Variants in DNASE1 observed in about 807,000 individuals in gnomAD.
DNASE1 encodes the protein deoxyribonuclease 1, also known as deoxyribonuclease-1.
In DNASE1, 40 loss-of-function variants were observed where a neutral mutation model predicts 33.9. That is an observed-to-expected ratio of 1.18 (90% CI 0.92 to 1.54). DNASE1 has a LOEUF of 1.54. Ranked by LOEUF, DNASE1 falls within the 40% of genes most tolerant of loss-of-function variation. DNASE1 has a pLI of 0.00. For missense variants in DNASE1, 518 were observed against 372.6 expected, an observed-to-expected ratio of 1.39 and a Z score of -3.21; for synonymous variants, 216 against 160.0, an observed-to-expected ratio of 1.35 and a Z score of -2.64.
chr16:3,658,830 G>T (rs1221499727), downstream of DNASE1: 1 of 1,614,002 alleles, frequency 6.2e-7, no homozygotes, highest in East Asian at 2.2e-5. Context: ...AGGCTCGCTT[G>T]CGCGCAGCTG....
chr16:3,611,784 G>C (rs1475298883), exon 1 of DNASE1: 1 of 152,172 alleles, frequency 6.6e-6, no homozygotes, highest in African/African-American at 2.4e-5. Context: ...GCTTGCTTCA[G>C]GTGGAGTCTG....
chr16:3,617,752 C>G (rs2041160480), intron 1 of DNASE1, among the ~76,000 whole-genome samples: 1 of 151,962 alleles, frequency 6.6e-6, no homozygotes, highest in Non-Finnish European at 1.5e-5. Context: ...TTGAGACCAG[C>G]CTGGGCAGCA....
intron 2 of DNASE1, 94 bp from the exon 3 acceptor site, chr16:3,655,755 A>G (rs2042562920): frequency 2.0e-6 from 3 of 1,518,160 alleles, no homozygotes; most frequent in East Asian, 2.3e-5. Flanking sequence ...AAACCGAGCA[A>G]TGCCACGAGC....
chr16:3,613,223 A>G (rs965840075), intron 1 of DNASE1, among the ~76,000 whole-genome samples: 1 of 152,116 alleles, frequency 6.6e-6, no homozygotes, highest in Non-Finnish European at 1.5e-5. Flanking sequence ...TGTAAATGGG[A>G]TCATGTGATA....
chr16:3,617,356 A>G (rs368940027), intron 1 of DNASE1, among the ~76,000 whole-genome samples: 1 of 148,962 alleles, frequency 6.7e-6, no homozygotes, highest in South Asian at 2.1e-4. Flanking sequence ...AAAAAAAAGA[A>G]TACTACAAGG....
intron 1 of DNASE1, among the ~76,000 whole-genome samples, chr16:3,619,120 C>T (rs886846604): frequency 1.3e-5 from 2 of 152,000 alleles, no homozygotes; most frequent in African/African-American, 4.8e-5. Context: ...CTGCAACCTC[C>T]ACATCCCAGG....
upstream of DNASE1, among the ~76,000 whole-genome samples, chr16:3,642,468 AGAGTG>A (rs1192673216): frequency 6.6e-6 from 1 of 152,108 alleles, no homozygotes; most frequent in Non-Finnish European, 1.5e-5. Context: ...GCAGCCGGAG[AGAGTG>A]GAGCTCTTAA....
intron 1 of DNASE1, among the ~76,000 whole-genome samples, chr16:3,645,472 G>A (rs756407991): frequency 2.6e-5 from 4 of 152,358 alleles, no homozygotes; most frequent in Admixed American, 2.0e-4. Flanking sequence ...CTGCGGGTGT[G>A]CTAACCTCCC....
At chr16:3,654,261 C>G, upstream of DNASE1, 2 of 397,994 alleles carry the variant, frequency 5.0e-6, no homozygotes, top group Non-Finnish European at 4.4e-6. Flanking sequence ...AGGCTCCCCA[C>G]TGCTTGGCTG....
At chr16:3,655,159 C>A in intron 1 of DNASE1, 115 bp downstream of exon 1, 1 of 637,578 alleles carries the variant, frequency 1.6e-6, no homozygotes, top group Non-Finnish European at 2.7e-6. Flanking sequence ...CCCTCCCGGG[C>A]GGGTTTTCTG....
At chr16:3,657,144 G>C (rs539275502) in intron 6 of DNASE1, 33 bp downstream of exon 6, 1 of 1,613,964 alleles carries the variant, frequency 6.2e-7, no homozygotes, top group African/African-American at 1.3e-5. Context: ...GGGCACCAGC[G>C]GCCTCCGCAT....
At position 3,614,175 on chromosome 16, in the gene DNASE1, G is replaced by A. The variant is rs143095446; in HGVS notation, c.-1359+2169G>A. On this transcript the variant is annotated intron_variant and NMD_transcript_variant, in intron 1 of 11. Transcript: ENST00000570769. ...GATCTGCCCGCCTTGGCCTCCCAGA[G>A]TGCTGGGATTACAGGTGTGAGCCAC... Among the ~76,000 whole-genome samples the A allele has an allele frequency of 3.8e-3, 575 of 152,018 alleles. 5 individuals carry two copies. Among genetic ancestry groups the A allele is most frequent in the African/African-American group, 0.012 (512 of 41,458 alleles).
At chr16:3,637,899 C>T (rs572838337) in intron 1 of DNASE1, among the ~76,000 whole-genome samples, 8 of 152,248 alleles carry the variant, frequency 5.3e-5, no homozygotes, top group Admixed American at 1.3e-4. Context: ...TCTCCTGTGT[C>T]GGGGGCAGTC....
chr16:3,636,589 A>T (rs1329648200), intron 1 of DNASE1, among the ~76,000 whole-genome samples: 1 of 152,162 alleles, frequency 6.6e-6, no homozygotes, highest in Admixed American at 6.5e-5. Context: ...TGGGAGGCTG[A>T]GCGGGGAGGA....
intron 4 of DNASE1, among the ~76,000 whole-genome samples, 188 bp from the exon 5 acceptor site, chr16:3,656,437 CGCCTGGGTCCCGG>C: frequency 8.9e-6 from 1 of 112,490 alleles, no homozygotes; most frequent in African/African-American, 4.2e-5. Flanking sequence ...GCCCTCCTGT[CGCCTGGGTCCCGG>C]ACCAATGGGT....
At chr16:3,655,763 A>C in intron 2 of DNASE1, 86 bp from the exon 3 acceptor site, 1 of 1,531,548 alleles carries the variant, frequency 6.5e-7, no homozygotes, top group Non-Finnish European at 9.0e-7. Flanking sequence ...CAATGCCACG[A>C]GCATCAGCTG....
intron 5 of DNASE1, 57 bp downstream of exon 5, chr16:3,656,810 C>G (rs2042677524): frequency 3.2e-6 from 5 of 1,551,326 alleles, no homozygotes; most frequent in African/African-American, 1.4e-5. Context: ...CCTCCACCCC[C>G]TCCTAGGGAA....
downstream of DNASE1, chr16:3,662,227 G>C: frequency 6.8e-7 from 1 of 1,464,426 alleles, no homozygotes; most frequent in Non-Finnish European, 9.2e-7. Context: ...CAGACCACGA[G>C]GTAGCAGGCG....
At chr16:3,612,030 C>A (rs139661222) in intron 1 of DNASE1, 1 of 152,146 alleles carries the variant, frequency 6.6e-6, no homozygotes, top group Non-Finnish European at 1.5e-5. Flanking sequence ...AGAGTCGAGG[C>A]CTGGAGGTCG....
Sources: allele counts gnomAD v4.1 joint callset (sites outside exome capture counted in the v4.1 genomes callset), GRCh38; gene constraint gnomAD v4.1.1; transcripts MANE v1.5; gene names NCBI Gene and HGNC (gene_info 2026-07-23, HGNC 2026-07-21).